PRPF18: variants seen among roughly 807,000 people sequenced by gnomAD.
PRPF18 encodes the protein pre-mRNA-splicing factor 18.
A neutral mutation model predicts 46.5 loss-of-function variants in PRPF18; 38 were observed. That is an observed-to-expected ratio of 0.82 (90% CI 0.63 to 1.07). The LOEUF (loss-of-function observed/expected upper bound fraction) is 1.07, where lower values mean the gene tolerates loss of function less well. Ranked by LOEUF, PRPF18 falls within the 50% of genes least tolerant of loss-of-function variation. The pLI is 0.00. For synonymous variants in PRPF18, 152 were observed against 146.7 expected, an observed-to-expected ratio of 1.04 and a Z score of -0.26; for missense variants, 263 against 410.0, an observed-to-expected ratio of 0.64 and a Z score of 3.10.
chr10:13,609,925 G>T, intron 4 of PRPF18, 114 bp from the exon 5 acceptor site: 1 of 1,150,704 alleles, frequency 8.7e-7, no homozygotes, highest in South Asian at 1.5e-5. Flanking sequence ...TACTTTTGCT[G>T]AACTCTTCTT....
intron 1 of PRPF18, among the ~76,000 whole-genome samples, chr10:13,595,895 C>T (rs934362860): frequency 6.6e-6 from 1 of 152,156 alleles, no homozygotes; most frequent in African/African-American, 2.4e-5. Flanking sequence ...GTATATCCTT[C>T]CCCTGAAACA....
intron 4 of PRPF18, among the ~76,000 whole-genome samples, chr10:13,608,043 G>A (rs2080215125): frequency 1.3e-5 from 2 of 152,284 alleles, no homozygotes; most frequent in Non-Finnish European, 2.9e-5. Context: ...CTATGACTAT[G>A]TAACAGACTA....
the PRPF18 span, chr10:13,655,910 T>C: frequency 3.3e-5 from 5 of 152,216 alleles, no homozygotes; most frequent in Non-Finnish European, 7.3e-5. Flanking sequence ...GTCACTGTTA[T>C]TAAATGTAAC....
the PRPF18 span, chr10:13,648,837 G>C: frequency 7.9e-5 from 12 of 152,276 alleles, no homozygotes; most frequent in Non-Finnish European, 1.8e-4. Context: ...GTCTGTTTGG[G>C]ATAAAACTTC....
chr10:13,617,841 T>TA (rs1445073528), intron 9 of PRPF18, among the ~76,000 whole-genome samples: 2 of 152,066 alleles, frequency 1.3e-5, no homozygotes, highest in African/African-American at 2.4e-5. Context: ...CTCTTCCCAT[T>TA]AAAAAAAATT....
At chr10:13,654,029 T>C in the PRPF18 span, 1 of 383,342 alleles carries the variant, frequency 2.6e-6, no homozygotes. Flanking sequence ...CCCAGTGTAT[T>C]TGCTGTCTTC....
At chr10:13,643,972 C>G in the PRPF18 span, 1 of 152,572 alleles carries the variant, frequency 6.6e-6, no homozygotes, top group East Asian at 1.9e-4. Flanking sequence ...TTTTACACAA[C>G]TTGTAATAAA....
At chr10:13,617,772 T>C (rs1268142138) in intron 9 of PRPF18, among the ~76,000 whole-genome samples, 1 of 152,218 alleles carries the variant, frequency 6.6e-6, no homozygotes, top group Non-Finnish European at 1.5e-5. Flanking sequence ...AATTCTGGTT[T>C]ATTTTGGAAG....
At chr10:13,620,656 G>A (rs776414393) in intron 9 of PRPF18, among the ~76,000 whole-genome samples, 2 of 152,160 alleles carry the variant, frequency 1.3e-5, no homozygotes, top group African/African-American at 4.8e-5. Flanking sequence ...GCCTGTTCTT[G>A]AGCATCATGT....
chr10:13,602,825 C>G (rs1002281344), intron 3 of PRPF18, among the ~76,000 whole-genome samples: 1 of 152,144 alleles, frequency 6.6e-6, no homozygotes, highest in African/African-American at 2.4e-5. Flanking sequence ...CTCCGCCTCC[C>G]GGGTTCAAGA....
rs532267279 is a variant in PRPF18, at chr10:13,616,383, A to C, written c.793-15A>C. 2.8e-5 allele frequency: 45 copies of C among 1,596,450 alleles called. No homozygotes were observed. The South Asian group carries it at 4.9e-4, about 17-fold the overall frequency. ...ATTTTCGCCTTTCTGATTTCTTCTT[A>C]CACTTTCCTTTCAGGCAAATGATGC... is the stretch of plus-strand genomic sequence containing the variant. On this transcript the variant is annotated splice_polypyrimidine_tract_variant and intron_variant, in intron 8 of 9. Transcript: ENST00000378572.
chr10:13,634,063 G>A (rs1193362006), downstream of PRPF18, among the ~76,000 whole-genome samples: 1 of 152,138 alleles, frequency 6.6e-6, no homozygotes, highest in Non-Finnish European at 1.5e-5. Flanking sequence ...GCTAGGGAGG[G>A]CAGTGTGGCC....
downstream of PRPF18, among the ~76,000 whole-genome samples, chr10:13,634,899 A>C (rs1027395175): frequency 2.0e-5 from 3 of 152,046 alleles, no homozygotes; most frequent in Admixed American, 6.5e-5. Context: ...TCAAACTTTT[A>C]TGTTAATTTC....
the PRPF18 span, among the ~76,000 whole-genome samples, chr10:13,638,302 T>TC: frequency 1.6e-4 from 24 of 150,512 alleles, no homozygotes; most frequent in African/African-American, 5.6e-4. Context: ...GGCTTTTCTT[T>TC]TTTTTTTTTT....
In PRPF18 at chr10:13,610,158, G is replaced by A; in HGVS notation, c.483G>A (p.Glu161=). 2 of 1,614,076 alleles carry A rather than the reference G, an allele frequency of 1.2e-6. No homozygotes were observed. Among genetic ancestry groups the A allele is most frequent in the Non-Finnish European group, 1.7e-6 (2 of 1,179,954 alleles). ...CACAGAATGATCTGAAAGTTCATGA[G>A]GAAAACACCACAATTGAAGAGTTAG... The part of the protein sequence containing the change: ...EDTQNDLKVH[E]ENTTIEELEA... Residue 161 remains glutamate (E), a synonymous_variant, in exon 5 of 10, where the codon GAG becomes GAA. Transcript: ENST00000378572.
intron 1 of PRPF18, among the ~76,000 whole-genome samples, chr10:13,593,566 T>C (rs1457048719): frequency 6.6e-6 from 1 of 152,186 alleles, no homozygotes; most frequent in East Asian, 1.9e-4. Flanking sequence ...GGGCAGAGTC[T>C]TGAGCATACT....
chr10:13,601,594 C>T (rs952652144), intron 3 of PRPF18, among the ~76,000 whole-genome samples: 1 of 152,124 alleles, frequency 6.6e-6, no homozygotes, highest in Non-Finnish European at 1.5e-5. Flanking sequence ...AATGAGATGA[C>T]ATGCATTTGT....
At chr10:13,629,390 A>G (rs1047391561) in intron 9 of PRPF18, among the ~76,000 whole-genome samples, 11 of 152,224 alleles carry the variant, frequency 7.2e-5, no homozygotes, top group African/African-American at 2.7e-4. Context: ...TGGTACATAC[A>G]AAAGAATACA....
the PRPF18 span, among the ~76,000 whole-genome samples, chr10:13,637,550 A>C: frequency 1.3e-5 from 2 of 151,826 alleles, no homozygotes; most frequent in African/African-American, 2.4e-5. Context: ...TTTCTGACTG[A>C]TTTATAGTAC....
Sources: allele counts gnomAD v4.1 joint callset (sites outside exome capture counted in the v4.1 genomes callset), GRCh38; gene constraint gnomAD v4.1.1; transcripts MANE v1.5; gene names NCBI Gene and HGNC (gene_info 2026-07-23, HGNC 2026-07-21).